Variants in KAT6B observed in about 807,000 individuals in gnomAD.
The protein encoded by KAT6B is histone acetyltransferase KAT6B.
KAT6B carries 10 observed loss-of-function variants against 187.5 expected under a neutral mutation model. The ratio of observed to expected loss-of-function variants is 0.05; its 90% CI spans 0.03 to 0.09. KAT6B has a LOEUF of 0.09. Ranked by LOEUF, KAT6B falls within the 10% of genes least tolerant of loss-of-function variation. The probability of loss-of-function intolerance (pLI) is 1.00; values close to 1 mark genes in which losing one functional copy is unlikely to be tolerated. For synonymous variants in KAT6B, 861 were observed against 926.8 expected (o/e 0.93, Z 1.29); for missense variants, 1,952 against 2,558.9 (o/e 0.76, Z 5.12).
chr10:74,953,409 C>T (rs748936407), intron 3 of KAT6B, among the ~76,000 whole-genome samples: 6 of 152,184 alleles, frequency 3.9e-5, no homozygotes, highest in Non-Finnish European at 8.8e-5. Flanking sequence ...ATACTTTCCA[C>T]ACTCACTCAC....
chr10:74,900,018 A>G (rs1846267932), intron 3 of KAT6B, among the ~76,000 whole-genome samples: 1 of 152,142 alleles, frequency 6.6e-6, no homozygotes, highest in South Asian at 2.1e-4. Context: ...CAGAAAAAAG[A>G]GAGGTCAGTA....
chr10:74,965,334 A>G (rs1052101087), intron 4 of KAT6B, among the ~76,000 whole-genome samples: 6 of 152,150 alleles, frequency 3.9e-5, no homozygotes, highest in African/African-American at 1.4e-4. Context: ...ACTTCCTGCT[A>G]GATTCTCCCA....
chr10:74,961,619 G>C (rs986840562), intron 4 of KAT6B, among the ~76,000 whole-genome samples: 1 of 152,112 alleles, frequency 6.6e-6, no homozygotes, highest in African/African-American at 2.4e-5. Context: ...AGGGTATAAA[G>C]GTGTAATTCT....
chr10:74,973,265 G>A (rs576637119), intron 7 of KAT6B, among the ~76,000 whole-genome samples: 1 of 152,144 alleles, frequency 6.6e-6, no homozygotes, highest in Non-Finnish European at 1.5e-5. Context: ...TCACTATCTT[G>A]TTGCTGTATA....
At chr10:74,899,029 C>A (rs908098119) in intron 3 of KAT6B, among the ~76,000 whole-genome samples, 1 of 141,188 alleles carries the variant, frequency 7.1e-6, no homozygotes, top group African/African-American at 2.9e-5. Context: ...AGCATGGTGG[C>A]AGGCACCTGT....
intron 3 of KAT6B, among the ~76,000 whole-genome samples, chr10:74,860,516 A>G (rs1843104514): frequency 1.3e-5 from 2 of 152,216 alleles, no homozygotes; most frequent in South Asian, 4.1e-4. Flanking sequence ...CCAAGAGTAC[A>G]CAGGAAGTAT....
In KAT6B at chr10:74,864,707, C is replaced by T. The variant is rs1014721885; in HGVS notation, c.621+21229C>T. Among the ~76,000 whole-genome samples the T allele has an allele frequency of 3.9e-5, 6 of 152,260 alleles. No homozygotes were observed. In the East Asian group the frequency reaches 7.7e-4, roughly 20 times the overall value. Reference sequence around the variant, plus strand: ...TAGGCATGGGCACCACCCCAACCCTCGACTACCCCAGGTGTTTTGAATTGA... The same window carrying T: ...TAGGCATGGGCACCACCCCAACCCTTGACTACCCCAGGTGTTTTGAATTGA... On this transcript the variant is annotated intron_variant, in intron 3 of 17. Coordinates refer to ENST00000287239, the MANE Select transcript of KAT6B (RefSeq NM_012330.4).
intron 13 of KAT6B, among the ~76,000 whole-genome samples, chr10:74,994,558 G>A (rs891044220): frequency 7.9e-5 from 12 of 151,984 alleles, no homozygotes; most frequent in African/African-American, 2.9e-4. Flanking sequence ...CGAGACAGGC[G>A]GATCTCTTGA....
At position 75,026,397 on chromosome 10, in the gene KAT6B, C is replaced by T. The variant is rs1215091883; in HGVS notation, c.3664+1148C>T. Among the ~76,000 whole-genome samples, 3 of 152,070 alleles carry T rather than the reference C, an allele frequency of 2.0e-5. No homozygotes were observed. In the East Asian group the frequency reaches 5.8e-4, roughly 29 times the overall value. ...GGTTTATGGTATACTCTCTCTATTCCCTGGCCAAGATGACTCTATTCAGAA... is the reference window on the plus strand; with the variant it reads ...GGTTTATGGTATACTCTCTCTATTCTCTGGCCAAGATGACTCTATTCAGAA... On this transcript the variant is annotated intron_variant, in intron 17 of 17. Transcript: ENST00000287239.
intron 3 of KAT6B, among the ~76,000 whole-genome samples, chr10:74,910,387 C>T (rs1847116227): frequency 6.6e-6 from 1 of 152,134 alleles, no homozygotes; most frequent in Non-Finnish European, 1.5e-5. Flanking sequence ...CCCAATACCC[C>T]CTCGTGGCAT....
intron 3 of KAT6B, among the ~76,000 whole-genome samples, chr10:74,851,220 G>A (rs1408981383): frequency 6.6e-6 from 1 of 151,744 alleles, no homozygotes; most frequent in Non-Finnish European, 1.5e-5. Context: ...CGATTCTCCT[G>A]CCTCAGCCTC....
intron 3 of KAT6B, among the ~76,000 whole-genome samples, chr10:74,902,988 T>G (rs1163731763): frequency 2.0e-5 from 3 of 152,250 alleles, no homozygotes; most frequent in Admixed American, 2.0e-4. Context: ...CAAAATACAT[T>G]CATAAGGTTC....
intron 3 of KAT6B, among the ~76,000 whole-genome samples, chr10:74,917,227 T>C (rs1268578877): frequency 2.6e-5 from 4 of 152,228 alleles, no homozygotes; most frequent in Non-Finnish European, 1.5e-5. Flanking sequence ...CAAAATAGGG[T>C]AGAGTTAATT....
rs376231865 is a variant in KAT6B at position 75,028,965 on chromosome 10, G to C, written c.4141G>C (p.Asp1381His). Residue 1381 changes from aspartate to histidine, a missense_variant, in exon 18 of 18, where the codon GAT becomes CAT. This residue lies in a region of KAT6B where 758 missense variants were observed against 891.4 expected (regional missense o/e 0.85). Transcript: ENST00000287239. ...AGAAGGAGGAGGAAATGTAGAAAAAGATCCAGATGGTGCTAAAAGCCAAGA... is the reference window on the plus strand; with the variant it reads ...AGAAGGAGGAGGAAATGTAGAAAAACATCCAGATGGTGCTAAAAGCCAAGA... ...EEEGGGNVEKDPDGAKSQEKE... is the reference protein window; with the variant it reads ...EEEGGGNVEKHPDGAKSQEKE... 70 of 1,613,684 alleles carry C rather than the reference G, an allele frequency of 4.3e-5. No homozygotes were observed. The African/African-American group carries it at 7.7e-4, about 18-fold the overall frequency.
At chr10:74,832,250 T>C (rs934479787) in intron 1 of KAT6B, among the ~76,000 whole-genome samples, 1 of 152,180 alleles carries the variant, frequency 6.6e-6, no homozygotes, top group African/African-American at 2.4e-5. Context: ...GGATATCTGG[T>C]CTGAAGACAT....
intron 3 of KAT6B, among the ~76,000 whole-genome samples, chr10:74,919,401 T>C (rs1847947583): frequency 6.6e-6 from 1 of 151,990 alleles, no homozygotes; most frequent in Admixed American, 6.6e-5. Flanking sequence ...TCATCCTCTT[T>C]TTTTGTTTGT....
intron 3 of KAT6B, among the ~76,000 whole-genome samples, chr10:74,899,788 A>G (rs926675686): frequency 1.3e-5 from 2 of 152,072 alleles, no homozygotes; most frequent in Admixed American, 6.6e-5. Flanking sequence ...TACCAACATC[A>G]TTATTTTTGG....
chr10:74,856,529 G>A (rs962043702), intron 3 of KAT6B, among the ~76,000 whole-genome samples: 2 of 152,124 alleles, frequency 1.3e-5, no homozygotes, highest in Non-Finnish European at 2.9e-5. Context: ...TAGTTGTCTT[G>A]TAGGATGTCC....
rs192893118 is a variant in KAT6B, at chr10:75,008,202, G to C, written c.2630-12380G>C. Among the ~76,000 whole-genome samples the C allele has an allele frequency of 5.3e-3, 804 of 152,278 alleles. 9 individuals carry two copies. Among genetic ancestry groups the C allele is most frequent in the African/African-American group, 0.018 (767 of 41,544 alleles). ...AGAAAATATTTAACTGTGAGCCCGA[G>C]GAGAGAAAGAAGAGACACTGCAGCA... On this transcript the variant is annotated intron_variant, in intron 13 of 17. Transcript: ENST00000287239.
Sources: gnomAD v4.1 joint callset for allele counts (sites outside exome capture counted in the v4.1 genomes callset) on GRCh38, gnomAD v4.1.1 for gene constraint, gnomAD v4.1.1 regional missense constraint, MANE v1.5 for transcripts, NCBI Gene and HGNC (gene_info 2026-07-23, HGNC 2026-07-21) for gene names.